The following RNF19A variants were observed in gnomAD, a reference collection of about 807,000 sequenced individuals.
The protein encoded by RNF19A is E3 ubiquitin-protein ligase RNF19A.
RNF19A carries 32 observed loss-of-function variants against 75.7 expected under a neutral mutation model. The ratio of observed to expected loss-of-function variants is 0.42; its 90% confidence interval spans 0.32 to 0.57. RNF19A has a LOEUF of 0.57. RNF19A is among the 20% of genes least tolerant of loss of function. RNF19A has a pLI of 0.10. For missense variants in RNF19A, 782 were observed against 1,036.3 expected, an observed-to-expected ratio of 0.75 and a Z score of 3.37; for synonymous variants, 335 against 345.2, an observed-to-expected ratio of 0.97 and a Z score of 0.33.
At chr8:100,308,639 G>C (rs1822156991) in intron 1 of RNF19A, among the ~76,000 whole-genome samples, 1 of 150,928 alleles carries the variant, frequency 6.6e-6, no homozygotes, top group Admixed American at 6.6e-5. Flanking sequence ...AATGAATCTA[G>C]GTTAAAATAA....
intron 1 of RNF19A, among the ~76,000 whole-genome samples, chr8:100,289,650 A>C (rs1483953445): frequency 6.6e-6 from 1 of 152,238 alleles, no homozygotes; most frequent in African/African-American, 2.4e-5. Flanking sequence ...TCCAAGTGTT[A>C]GCAAGGATGT....
At chr8:100,293,328 A>G in intron 1 of RNF19A, among the ~76,000 whole-genome samples, 1 of 152,336 alleles carries the variant, frequency 6.6e-6, no homozygotes, top group East Asian at 1.9e-4. Context: ...TCTGGGGAAA[A>G]AAAATGTTAT....
At chr8:100,277,596 A>G (rs987493106) in intron 2 of RNF19A, among the ~76,000 whole-genome samples, 13 of 119,836 alleles carry the variant, frequency 1.1e-4, no homozygotes, top group Non-Finnish European at 1.9e-4. Context: ...CTTTAAACAC[A>G]TCTTAAATTC....
At chr8:100,321,230 G>A (rs1193535908) in intron 1 of RNF19A, among the ~76,000 whole-genome samples, 3 of 152,214 alleles carry the variant, frequency 2.0e-5, no homozygotes, top group Non-Finnish European at 4.4e-5. Flanking sequence ...TTCAAAATTG[G>A]AATCAATCCT....
rs2132490440 is a variant in RNF19A at position 100,261,850 on chromosome 8, G to A, written c.1469-95C>T. 9.5e-6 allele frequency: 12 copies of A among 1,257,476 alleles called. No individual in the cohort carries two copies. The highest frequency in any genetic ancestry group is 2.5e-5 in the South Asian group (2 of 79,832). 77.9% of individuals were successfully genotyped at this position (1,257,476 alleles called of 1,614,324 possible). On this transcript the variant is annotated intron_variant, in intron 7 of 9. Coordinates refer to ENST00000341084, the MANE Select transcript of RNF19A (RefSeq NM_183419.4). The surrounding 1 kb of genome is among the most constrained non-coding windows in gnomAD (Gnocchi z 4.4). ...TGATTTCAGAGAGGACATTATATAA[G>A]GTATAAAATATACGCAGACATGGAA...
intron 1 of RNF19A, among the ~76,000 whole-genome samples, chr8:100,315,923 C>G (rs1822366383): frequency 6.6e-6 from 1 of 152,176 alleles, no homozygotes; most frequent in Non-Finnish European, 1.5e-5. Flanking sequence ...TAATTCATAT[C>G]ACATGTTTGA....
At chr8:100,286,630 AAT>A (rs780634507) in intron 2 of RNF19A, among the ~76,000 whole-genome samples, 20 of 152,182 alleles carry the variant, frequency 1.3e-4, no homozygotes, top group Non-Finnish European at 2.4e-4. Flanking sequence ...TGATTCAGGT[AAT>A]GAGTCTTGAA....
Position 100,260,422 on chromosome 8 carries a change from T to A in RNF19A, c.1683-425A>T, listed in dbSNP as rs1331083885. Among the ~76,000 whole-genome samples the A allele has an allele frequency of 6.6e-6, 1 of 152,150 alleles. No individual in the cohort carries two copies. Among genetic ancestry groups the A allele is most frequent in the African/African-American group, 2.4e-5 (1 of 41,446 alleles). On this transcript the variant is annotated intron_variant, in intron 8 of 9. Coordinates refer to ENST00000341084, the MANE Select transcript of RNF19A (RefSeq NM_183419.4). This position sits in a 1 kb window ranked among gnomAD's most constrained non-coding sequence, Gnocchi z 4.1. ...ATGACTCTATAAATAACACCTGCCT[T>A]TTAATACTTTATTTATTTATATATA...
chr8:100,278,137 C>T (rs1820612130), intron 2 of RNF19A, among the ~76,000 whole-genome samples: 3 of 152,232 alleles, frequency 2.0e-5, no homozygotes, highest in African/African-American at 7.2e-5. Context: ...CAGGCATTCA[C>T]TTTAGTTTGG....
intron 2 of RNF19A, among the ~76,000 whole-genome samples, chr8:100,278,629 A>G (rs946471591): frequency 2.0e-5 from 3 of 152,184 alleles, no homozygotes; most frequent in Non-Finnish European, 4.4e-5. Flanking sequence ...GCAAATAAGT[A>G]TTTATAAAAA....
intron 5 of RNF19A, among the ~76,000 whole-genome samples, chr8:100,268,068 A>T (rs1021075605): frequency 6.6e-6 from 1 of 151,430 alleles, no homozygotes; most frequent in Non-Finnish European, 1.5e-5. Flanking sequence ...AAAAAGTTTT[A>T]ATTTTTTTGA....
rs755863515 is a variant in RNF19A at position 100,259,261 on chromosome 8, T to C, written c.1827-15A>G. ...TGTTGCCTTCTCTGAAATATAAGAGTAACAAATACAAACATAATTGCTGAC... is the reference window on the plus strand; with the variant it reads ...TGTTGCCTTCTCTGAAATATAAGAGCAACAAATACAAACATAATTGCTGAC... On this transcript the variant is annotated splice_polypyrimidine_tract_variant and intron_variant, in intron 9 of 9. Transcript: ENST00000341084. The surrounding 1 kb of genome is among the most constrained non-coding windows in gnomAD (Gnocchi z 4.5). The C allele has an allele frequency of 6.1e-5, 97 of 1,581,392 alleles. No individual in the cohort carries two copies. Among genetic ancestry groups the C allele is most frequent in the Non-Finnish European group, 7.6e-5 (88 of 1,161,814 alleles).
chr8:100,315,399 G>T (rs1281114755), intron 1 of RNF19A, among the ~76,000 whole-genome samples: 2 of 152,056 alleles, frequency 1.3e-5, no homozygotes, highest in Non-Finnish European at 2.9e-5. Context: ...TCACTGGGGG[G>T]GAAAAATGCA....
In RNF19A at chr8:100,269,688, T is replaced by C. The variant is rs1820161140; in HGVS notation, c.1028+181A>G. On this transcript the variant is annotated intron_variant, in intron 4 of 9. Coordinates refer to ENST00000341084, the MANE Select transcript of RNF19A (RefSeq NM_183419.4). The surrounding 1 kb of genome is among the most constrained non-coding windows in gnomAD (Gnocchi z 5.7). ...ACAAAAAAAGGAAATATCCATTTCC[T>C]ATTTTGACTAGTTATTAATTCCAAA... Among the ~76,000 whole-genome samples the C allele has an allele frequency of 6.6e-6, 1 of 152,204 alleles. No homozygotes were observed. Among genetic ancestry groups the C allele is most frequent in the South Asian group, 2.1e-4 (1 of 4,836 alleles).
chr8:100,320,094 C>T (rs1563874351), intron 1 of RNF19A, among the ~76,000 whole-genome samples: 3 of 152,160 alleles, frequency 2.0e-5, no homozygotes, highest in Admixed American at 6.5e-5. Context: ...CCTCAGCCTC[C>T]CAAAGTGCTG....
At position 100,287,870 on chromosome 8, in the gene RNF19A, C is replaced by T. The variant is rs376906759; in HGVS notation, c.305G>A (p.Cys102Tyr). Residue 102 changes from cysteine to tyrosine, a missense_variant, in exon 2 of 10, where the codon TGT becomes TAT. This residue lies in a region of RNF19A where 148 missense variants were observed against 147.9 expected (regional missense o/e 1.00). Coordinates refer to ENST00000341084, the MANE Select transcript of RNF19A (RefSeq NM_183419.4). This position sits in a 1 kb window ranked among gnomAD's most constrained non-coding sequence, Gnocchi z 4.1. ...ASIESIHSEM[C>Y]TDKNSIFSTN... ...AGAGAAAATGGAGTTCTTATCAGTA[C>T]ACATTTCAGAATGTATACTTTCAAT... 3.1e-6 allele frequency: 5 copies of T among 1,613,958 alleles called. No homozygotes were observed. The African/African-American group carries it at 6.7e-5, about 22-fold the overall frequency.
chr8:100,326,099 C>T (rs1586702222), intron 1 of RNF19A, among the ~76,000 whole-genome samples: 1 of 152,106 alleles, frequency 6.6e-6, no homozygotes, highest in Admixed American at 6.5e-5. Flanking sequence ...AGTCTATTGC[C>T]GTTTTCAGTC....
At chr8:100,285,092 T>C (rs187283334) in intron 2 of RNF19A, among the ~76,000 whole-genome samples, 51 of 152,282 alleles carry the variant, frequency 3.3e-4, no homozygotes, top group African/African-American at 1.2e-3. Context: ...TTGTTGTTAT[T>C]GTGGAACATC....
chr8:100,289,616 G>A (rs78468581), intron 1 of RNF19A, among the ~76,000 whole-genome samples: 80 of 152,246 alleles, frequency 5.3e-4, no homozygotes, highest in African/African-American at 1.8e-3. Context: ...CTAATAGGAT[G>A]GCTAAAATTA....
Sources: allele counts gnomAD v4.1 joint callset (sites outside exome capture counted in the v4.1 genomes callset), GRCh38; gene constraint gnomAD v4.1.1; regional missense constraint gnomAD v4.1.1; non-coding constraint Gnocchi (gnomAD v3.1); transcripts MANE v1.5; gene names NCBI Gene and HGNC (gene_info 2026-07-23, HGNC 2026-07-21).